The following ARID1A variants were observed in gnomAD, a reference collection of about 807,000 sequenced individuals.
ARID1A encodes the protein AT-rich interaction domain 1A.
Under a neutral mutation model 212.6 loss-of-function variants are expected in ARID1A, and 20 were observed. The ratio of observed to expected loss-of-function variants is 0.09; its 90% CI spans 0.07 to 0.14. The LOEUF (loss-of-function observed/expected upper bound fraction) is 0.14, where lower values mean the gene tolerates loss of function less well. Ranked by LOEUF, ARID1A falls within the 10% of genes least tolerant of loss-of-function variation. ARID1A has a pLI of 1.00. For missense variants in ARID1A, 2,587 were observed against 3,059.0 expected (o/e 0.85, Z 3.64); for synonymous variants, 1,376 against 1,222.1 (o/e 1.13, Z -2.63).
In ARID1A at chr1:26,761,463, C is replaced by T. The variant is rs2124059976; in HGVS notation, c.2241C>T (p.Ala747=). The T allele has an allele frequency of 6.2e-7, 1 of 1,614,146 alleles. No homozygotes were observed. Among genetic ancestry groups the T allele is most frequent in the Non-Finnish European group, 8.5e-7 (1 of 1,180,016 alleles). The change falls in exon 6 of 20, where the codon GCC becomes GCT. Residue 747 remains alanine (A), a synonymous_variant. Transcript: ENST00000324856. ...MHPSMNQSSI[A]QDRGYMQRNP... Reference sequence around the variant, plus strand: ...CTTCCATGAACCAATCAAGCATTGCCCAAGATCGAGGTGAGAGCCTGGGTG... The same window carrying T: ...CTTCCATGAACCAATCAAGCATTGCTCAAGATCGAGGTGAGAGCCTGGGTG...
chr1:26,726,556 T>C (rs573137945), intron 1 of ARID1A, among the ~76,000 whole-genome samples: 2 of 152,334 alleles, frequency 1.3e-5, no homozygotes, highest in South Asian at 4.1e-4. Context: ...CAACTTTTTT[T>C]CTACCTTCAA....
At chr1:26,738,874 T>A (rs547239182) in intron 4 of ARID1A, among the ~76,000 whole-genome samples, 4 of 141,746 alleles carry the variant, frequency 2.8e-5, no homozygotes, top group Admixed American at 7.0e-5. Flanking sequence ...AACTTTTCTT[T>A]TGTTTTTTTT....
In ARID1A at chr1:26,780,479, A is replaced by G. The variant is rs2124150707; in HGVS notation, c.6581A>G (p.Asn2194Ser). Residue 2194 changes from asparagine (N) to serine (S), a missense_variant, in exon 20 of 20, where the codon AAC becomes AGC. Asn to Ser is a conservative substitution (Grantham distance 46, BLOSUM62 1). This residue lies in a region of ARID1A where 168 missense variants were observed against 321.0 expected (regional missense o/e 0.52). Coordinates refer to ENST00000324856, the MANE Select transcript of ARID1A (RefSeq NM_006015.6). The surrounding 1 kb of genome is among the most constrained non-coding windows in gnomAD (Gnocchi z 7.2). ...GCAGTGCAGAAGGGCAGTATCGGCA[A>G]CCTCCTGGGCTTCCTAGAGGACAGC... Reference protein sequence around the residue: ...AIAVQKGSIGNLLGFLEDSLA... With the variant: ...AIAVQKGSIGSLLGFLEDSLA... 1 of 1,614,102 alleles carries G rather than the reference A, an allele frequency of 6.2e-7. No homozygotes were observed. Among genetic ancestry groups the G allele is most frequent in the Non-Finnish European group, 8.5e-7 (1 of 1,180,018 alleles).
chr1:26,744,423 C>G (rs996396048), intron 4 of ARID1A, among the ~76,000 whole-genome samples: 1 of 152,196 alleles, frequency 6.6e-6, no homozygotes, highest in African/African-American at 2.4e-5. Context: ...AGCCTTAACT[C>G]TAGTATGATG....
Position 26,774,122 on chromosome 1 carries a change from T to C in ARID1A, c.4102-207T>C. The C allele has an allele frequency of 2.6e-6, 3 of 1,158,058 alleles. No homozygotes were observed. Among genetic ancestry groups the C allele is most frequent in the Middle Eastern group, 3.1e-4 (1 of 3,272 alleles). The allele number at this position is 1,158,058 out of a possible 1,614,324, so 71.7% of individuals were successfully genotyped here. A position where few individuals can be genotyped will look rare whatever the true frequency, so the allele number is the denominator to read the frequency against. On this transcript the variant is annotated intron_variant, in intron 17 of 19. Transcript: ENST00000324856. This position sits in a 1 kb window ranked among gnomAD's most constrained non-coding sequence, Gnocchi z 5.6. The stretch of plus-strand genomic sequence containing the variant: ...ACCTTATTTTGATTTTTAGGTTTTG[T>C]ATATTTTTCTACTTAAGCAAGGGAA...
In ARID1A at chr1:26,697,315, G is replaced by T. The variant is rs775380699; in HGVS notation, c.912G>T (p.Ser304=). The part of the protein sequence containing the change: ...TLNQLLTSPS[S]ARGYQGYPGG... Reference sequence around the variant, plus strand: ...ACCAACTGCTCACGTCGCCCAGCTCGGCCCGGGGCTACCAGGGCTACCCCG... The same window carrying T: ...ACCAACTGCTCACGTCGCCCAGCTCTGCCCGGGGCTACCAGGGCTACCCCG... Residue 304 remains serine (S), a synonymous_variant, in exon 1 of 20, where the codon TCG becomes TCT. Coordinates refer to ENST00000324856, the MANE Select transcript of ARID1A (RefSeq NM_006015.6). 1 of 1,343,598 alleles carries T rather than the reference G, an allele frequency of 7.4e-7. No individual in the cohort carries two copies. The highest frequency in any genetic ancestry group is 9.5e-7 in the Non-Finnish European group (1 of 1,053,346). The allele number at this position is 1,343,598 out of a possible 1,614,324, so 83.2% of individuals were successfully genotyped here.
chr1:26,697,939 C>T (rs1279061770), intron 1 of ARID1A, among the ~76,000 whole-genome samples: 1 of 152,122 alleles, frequency 6.6e-6, no homozygotes, highest in Non-Finnish European at 1.5e-5. Context: ...CTTTGCTCAC[C>T]TGCCGCTCCT....
chr1:26,716,381 A>C (rs1167858837), intron 1 of ARID1A, among the ~76,000 whole-genome samples: 1 of 152,192 alleles, frequency 6.6e-6, no homozygotes, highest in Non-Finnish European at 1.5e-5. Context: ...AAAATATGTA[A>C]GCAGATAAGC....
At position 26,762,284 on chromosome 1, in the gene ARID1A, G is replaced by A. The variant is rs2080999689; in HGVS notation, c.2384G>A (p.Ser795Asn). Residue 795 changes from serine (S) to asparagine (N), a missense_variant, in exon 7 of 20, where the codon AGC becomes AAC. Transcript: ENST00000324856. ...TCCTACCAGCAGAACTCCATGGGGA[G>A]CTATGGTCCCCAGGGGGGTCAGTAT... is the stretch of plus-strand genomic sequence containing the variant. ...MGSYQQNSMG[S>N]YGPQGGQYGP... 1 of 1,614,180 alleles carries A rather than the reference G, an allele frequency of 6.2e-7. No individual in the cohort carries two copies. The highest frequency in any genetic ancestry group is 1.6e-4 in the Middle Eastern group (1 of 6,062).
At chr1:26,752,697 A>G in intron 4 of ARID1A, among the ~76,000 whole-genome samples, 1 of 152,176 alleles carries the variant, frequency 6.6e-6, no homozygotes, top group South Asian at 2.1e-4. Context: ...ATTCTTCAGC[A>G]TGAGAGCAGC....
chr1:26,737,114 T>C (rs1244618366), intron 4 of ARID1A, among the ~76,000 whole-genome samples: 1 of 151,560 alleles, frequency 6.6e-6, no homozygotes, highest in Non-Finnish European at 1.5e-5. Context: ...TGTGCTTGCT[T>C]TTTTTTTGTT....
At chr1:26,724,241 G>A (rs1170706191) in intron 1 of ARID1A, among the ~76,000 whole-genome samples, 1 of 152,102 alleles carries the variant, frequency 6.6e-6, no homozygotes, top group African/African-American at 2.4e-5. Context: ...AATGAGTAGT[G>A]GTCAAGACTT....
At chr1:26,726,559 A>G (rs544977044) in intron 1 of ARID1A, among the ~76,000 whole-genome samples, 5 of 151,994 alleles carry the variant, frequency 3.3e-5, no homozygotes, top group Admixed American at 2.6e-4. Context: ...CTTTTTTTCT[A>G]CCTTCAAAGT....
chr1:26,697,308 C>T lies in ARID1A; in HGVS notation c.905C>T (p.Pro302Leu). 2 of 1,348,176 alleles carry T rather than the reference C, an allele frequency of 1.5e-6. No individual in the cohort carries two copies. Among genetic ancestry groups the T allele is most frequent in the Non-Finnish European group, 9.5e-7 (1 of 1,056,022 alleles). The allele number at this position is 1,348,176 out of a possible 1,614,324, so 83.5% of individuals were successfully genotyped here. ...TPTLNQLLTS[P>L]SSARGYQGYP... is the part of the protein sequence containing the mutation. ...ACCCTCAACCAACTGCTCACGTCGCCCAGCTCGGCCCGGGGCTACCAGGGC... is the reference window on the plus strand; with the variant it reads ...ACCCTCAACCAACTGCTCACGTCGCTCAGCTCGGCCCGGGGCTACCAGGGC... Residue 302 changes from proline to leucine, a missense_variant, in exon 1 of 20, where the codon CCC becomes CTC. Pro to Leu is a moderately conservative substitution (Grantham distance 98, BLOSUM62 -3). Coordinates refer to ENST00000324856, the MANE Select transcript of ARID1A (RefSeq NM_006015.6).
chr1:26,707,204 T>A (rs1366432839), intron 1 of ARID1A, among the ~76,000 whole-genome samples: 2 of 138,290 alleles, frequency 1.4e-5, no homozygotes, highest in Non-Finnish European at 3.2e-5. Context: ...TGGCTAATTT[T>A]TTTTTTTTTT....
chr1:26,698,515 C>G (rs777776577), intron 1 of ARID1A, among the ~76,000 whole-genome samples: 22 of 152,200 alleles, frequency 1.4e-4, no homozygotes, highest in Non-Finnish European at 2.5e-4. Flanking sequence ...ACAGCCTGCC[C>G]TTGTTACATT....
chr1:26,778,832 GAAGA>G (rs748228234), intron 19 of ARID1A, 187 bp from the exon 20 acceptor site: 17 of 518,490 alleles, frequency 3.3e-5, no homozygotes, highest in Non-Finnish European at 5.5e-5. Context: ...AGGTTGGGCA[GAAGA>G]AAGAACTTTG....
In ARID1A at chr1:26,729,208, G is replaced by T. The variant is rs889597772; in HGVS notation, c.1138-443G>T. ...CATAGTGCAAACAGGCTATAGATGT[G>T]TAAGGGGAGTTTCCACTATTGGAAG... On this transcript the variant is annotated intron_variant, in intron 1 of 19. Coordinates refer to ENST00000324856, the MANE Select transcript of ARID1A (RefSeq NM_006015.6). 8 of 187,236 alleles carry T rather than the reference G, an allele frequency of 4.3e-5. No individual in the cohort carries two copies. The East Asian group carries it at 9.7e-4, about 23-fold the overall frequency. The allele number at this position is 187,236 out of a possible 1,614,324, so 11.6% of individuals were successfully genotyped here.
rs1294156589 is a variant in ARID1A, at chr1:26,697,493, C to T, written c.1090C>T (p.Pro364Ser). 7.1e-7 allele frequency: 1 copy of T among 1,405,584 alleles called. No homozygotes were observed. The highest frequency in any genetic ancestry group is 9.2e-7 in the Non-Finnish European group (1 of 1,087,534). 87.1% of individuals were successfully genotyped at this position (1,405,584 alleles called of 1,614,324 possible). Residue 364 changes from proline to serine, a missense_variant, in exon 1 of 20, where the codon CCC becomes TCC. Pro to Ser is a moderately conservative substitution (Grantham distance 74, BLOSUM62 -1). This residue lies in a region of ARID1A where 735 missense variants were observed against 590.6 expected (regional missense o/e 1.24). Coordinates refer to ENST00000324856, the MANE Select transcript of ARID1A (RefSeq NM_006015.6). Reference protein sequence around the residue: ...QQRSHHAPMSPGSSGGGGQPL... With the variant: ...QQRSHHAPMSSGSSGGGGQPL... ...AAGGAGCCACCACGCGCCCATGAGC[C>T]CCGGGAGCAGCGGCGGCGGGGGGCA...
Sources: gnomAD v4.1 joint callset for allele counts (sites outside exome capture counted in the v4.1 genomes callset) on GRCh38, gnomAD v4.1.1 for gene constraint, gnomAD v4.1.1 regional missense constraint, Gnocchi (gnomAD v3.1) non-coding constraint, MANE v1.5 for transcripts, NCBI Gene and HGNC (gene_info 2026-07-23, HGNC 2026-07-21) for gene names.